The following CNTN5 variants were observed in gnomAD, a reference collection of about 807,000 sequenced individuals.
The protein encoded by CNTN5 is contactin-5.
A neutral mutation model predicts 129.1 loss-of-function variants in CNTN5; 77 were observed. That is an observed-to-expected ratio of 0.60 (90% CI 0.50 to 0.72). The LOEUF (loss-of-function observed/expected upper bound fraction) is 0.72. CNTN5 is among the 30% of genes least tolerant of loss of function. The pLI is 0.00. For missense variants in CNTN5, 1,478 were observed against 1,328.8 expected (o/e 1.11, Z -1.75); for synonymous variants, 509 against 465.6 (o/e 1.09, Z -1.20).
chr11:99,186,931 T>A (rs765484245), intron 1 of CNTN5, among the ~76,000 whole-genome samples: 11 of 151,894 alleles, frequency 7.2e-5, no homozygotes, highest in Non-Finnish European at 1.5e-4. Context: ...GCAAAGTAGA[T>A]AGAGAAATGA....
At chr11:99,553,592 A>G (rs535734535) in intron 2 of CNTN5, among the ~76,000 whole-genome samples, 2 of 152,120 alleles carry the variant, frequency 1.3e-5, no homozygotes, top group Non-Finnish European at 2.9e-5. Flanking sequence ...ATGTATTTTA[A>G]AAAAACCAAG....
At chr11:99,496,139 G>A (rs1368547619) in intron 2 of CNTN5, among the ~76,000 whole-genome samples, 1 of 152,120 alleles carries the variant, frequency 6.6e-6, no homozygotes, top group Non-Finnish European at 1.5e-5. Flanking sequence ...CTTTATACAT[G>A]CTTATTAAAT....
At chr11:99,881,319 T>C (rs1361396169) in intron 6 of CNTN5, among the ~76,000 whole-genome samples, 1 of 152,206 alleles carries the variant, frequency 6.6e-6, no homozygotes, top group Non-Finnish European at 1.5e-5. Flanking sequence ...ATAATGATTA[T>C]ACAAAATAAA....
chr11:99,738,075 G>A (rs1943768309), intron 3 of CNTN5, among the ~76,000 whole-genome samples: 1 of 152,116 alleles, frequency 6.6e-6, no homozygotes, highest in African/African-American at 2.4e-5. Flanking sequence ...AGAAAAGGAG[G>A]CACACAAATT....
chr11:99,939,873 T>G (rs1411932048), intron 7 of CNTN5, among the ~76,000 whole-genome samples: 1 of 152,162 alleles, frequency 6.6e-6, no homozygotes, highest in African/African-American at 2.4e-5. Flanking sequence ...GGTATTGTGT[T>G]CTGCTCTTAA....
At chr11:99,434,428 T>C (rs953371435) in intron 2 of CNTN5, among the ~76,000 whole-genome samples, 1 of 152,172 alleles carries the variant, frequency 6.6e-6, no homozygotes, top group Non-Finnish European at 1.5e-5. Flanking sequence ...AACATTATAT[T>C]ATATATTGTA....
chr11:99,731,546 G>A (rs751671654), intron 3 of CNTN5, among the ~76,000 whole-genome samples: 7 of 152,066 alleles, frequency 4.6e-5, no homozygotes, highest in Non-Finnish European at 8.8e-5. Flanking sequence ...AAATTCCCTG[G>A]AGAGAGGAGG....
chr11:99,149,299 G>A (rs1859934411), intron 1 of CNTN5, among the ~76,000 whole-genome samples: 1 of 151,776 alleles, frequency 6.6e-6, no homozygotes, highest in Admixed American at 6.6e-5. Flanking sequence ...AAAGACTTCT[G>A]AAAAAAGAAG....
chr11:100,247,330 G>GA (rs1394406206), intron 16 of CNTN5, among the ~76,000 whole-genome samples: 1 of 152,140 alleles, frequency 6.6e-6, no homozygotes, highest in African/African-American at 2.4e-5. Context: ...CAAATTAATT[G>GA]AAAGCAAAAT....
chr11:99,355,811 G>GTT (rs367680756), intron 2 of CNTN5, among the ~76,000 whole-genome samples: 1 of 127,822 alleles, frequency 7.8e-6, no homozygotes, highest in African/African-American at 3.1e-5. Context: ...ATCTGTCATG[G>GTT]TTTTTTTTTG....
chr11:99,442,455 G>A (rs1045160948), intron 2 of CNTN5, among the ~76,000 whole-genome samples: 2 of 152,096 alleles, frequency 1.3e-5, no homozygotes, highest in African/African-American at 4.8e-5. Flanking sequence ...CAGGTGTGAG[G>A]CACTGCACCT....
intron 1 of CNTN5, among the ~76,000 whole-genome samples, chr11:99,085,432 T>C (rs1365281705): frequency 6.6e-6 from 1 of 152,152 alleles, no homozygotes; most frequent in Non-Finnish European, 1.5e-5. Flanking sequence ...TTTTCTAACA[T>C]TTTTGAAATT....
intron 7 of CNTN5, among the ~76,000 whole-genome samples, chr11:99,940,089 G>C (rs532913870): frequency 6.6e-6 from 1 of 152,166 alleles, no homozygotes; most frequent in East Asian, 1.9e-4. Context: ...GCAGGGGGAG[G>C]AGCAGCAGGA....
chr11:99,269,313 A>G (rs555015469), intron 1 of CNTN5, among the ~76,000 whole-genome samples: 1 of 151,920 alleles, frequency 6.6e-6, no homozygotes, highest in African/African-American at 2.4e-5. Flanking sequence ...TAATAGTTTA[A>G]TGATATATAC....
chr11:99,314,086 T>C (rs1333218805), intron 1 of CNTN5, among the ~76,000 whole-genome samples: 4 of 151,924 alleles, frequency 2.6e-5, no homozygotes, highest in Admixed American at 1.3e-4. Flanking sequence ...TAGACGTGTA[T>C]AAACAAATTT....
chr11:99,975,946 A>G (rs569436739), intron 8 of CNTN5, among the ~76,000 whole-genome samples: 1 of 152,320 alleles, frequency 6.6e-6, no homozygotes, highest in South Asian at 2.1e-4. Context: ...ATCTGAGACA[A>G]GGCACGTCCT....
chr11:99,818,360 A>G (rs950951200), intron 3 of CNTN5, among the ~76,000 whole-genome samples: 8 of 152,092 alleles, frequency 5.3e-5, no homozygotes, highest in Admixed American at 4.6e-4. Context: ...GGCTCAAGCA[A>G]TCCTCCCAGC....
intron 2 of CNTN5, among the ~76,000 whole-genome samples, chr11:99,351,110 A>T (rs748972993): frequency 6.6e-6 from 1 of 152,096 alleles, no homozygotes; most frequent in Non-Finnish European, 1.5e-5. Context: ...TGGCACATGT[A>T]TACCTAGGTA....
Position 99,553,965 on chromosome 11 carries a change from T to TACACACACACAC in CNTN5, c.-70-2160_-70-2149dup, listed in dbSNP as rs34430127. Among the ~76,000 whole-genome samples, 162 of 146,118 alleles carry TACACACACACAC rather than the reference T, an allele frequency of 1.1e-3. 2 individuals carry two copies. The South Asian group carries it at 0.014, about 13-fold the overall frequency. On this transcript the variant is annotated intron_variant, in intron 2 of 24. Coordinates refer to ENST00000524871, the MANE Select transcript of CNTN5 (RefSeq NM_014361.4). ...CCAAGCACTGGTGCTTGAAAATGAA[T>TACACACACACAC]ACACACACACACACACACACACACA...
Sources: allele counts gnomAD v4.1 joint callset (sites outside exome capture counted in the v4.1 genomes callset), GRCh38; gene constraint gnomAD v4.1.1; transcripts MANE v1.5; gene names NCBI Gene and HGNC (gene_info 2026-07-23, HGNC 2026-07-21).